USP7: variants seen among roughly 807,000 people sequenced by gnomAD.
USP7 encodes the protein ubiquitin specific peptidase 7, also known as ubiquitin C-terminal hydrolase 7.
USP7 carries 9 observed loss-of-function variants against 162.9 expected under a neutral mutation model. The ratio of observed to expected loss-of-function variants is 0.06; its 90% CI spans 0.03 to 0.10. USP7 has a LOEUF of 0.10. Among genes scored for constraint, USP7 ranks in the 10% least tolerant of loss-of-function variants. The pLI is 1.00. For missense variants in USP7, 715 were observed against 1,373.7 expected, an observed-to-expected ratio of 0.52 and a Z score of 7.58; for synonymous variants, 562 against 475.9, an observed-to-expected ratio of 1.18 and a Z score of -2.35.
chr16:8,932,601 T>A (rs908694523), intron 1 of USP7, among the ~76,000 whole-genome samples: 6 of 130,400 alleles, frequency 4.6e-5, no homozygotes, highest in African/African-American at 1.5e-4. Flanking sequence ...AAATCAAATA[T>A]ACATGCTAAA....
At chr16:8,916,421 G>A in intron 8 of USP7, 81 bp downstream of exon 8, 1 of 1,370,586 alleles carries the variant, frequency 7.3e-7, no homozygotes, top group East Asian at 2.5e-5. Context: ...AATTAGGTCT[G>A]AGGTTTTACT....
intron 15 of USP7, among the ~76,000 whole-genome samples, 187 bp from the exon 16 acceptor site, chr16:8,903,589 GAGGCTGTGGGC>G (rs2061811548): frequency 6.6e-6 from 1 of 152,090 alleles, no homozygotes; most frequent in Non-Finnish European, 1.5e-5. Context: ...TTTAGAAAAG[GAGGCTGTGGGC>G]AGGGCACGGT....
intron 1 of USP7, among the ~76,000 whole-genome samples, chr16:8,946,862 C>A (rs1258600487): frequency 6.6e-6 from 1 of 152,218 alleles, no homozygotes; most frequent in South Asian, 2.1e-4. Context: ...TTTAATATAA[C>A]TGTATAATAA....
chr16:8,921,371 A>T, intron 3 of USP7, 76 bp from the exon 4 acceptor site: 1 of 1,511,548 alleles, frequency 6.6e-7, no homozygotes, highest in Non-Finnish European at 9.0e-7. Flanking sequence ...CAGTAAACAT[A>T]GCACACCAAA....
At chr16:8,924,296 T>C (rs924259274) in intron 2 of USP7, among the ~76,000 whole-genome samples, 19 of 152,380 alleles carry the variant, frequency 1.2e-4, no homozygotes, top group Non-Finnish European at 2.4e-4. Flanking sequence ...CAATCTGTTA[T>C]TGACCAATAC....
chr16:8,932,383 T>C (rs191955616), intron 1 of USP7, among the ~76,000 whole-genome samples: 20 of 152,254 alleles, frequency 1.3e-4, no homozygotes, highest in Middle Eastern at 3.4e-3. Context: ...CAGGGAAACA[T>C]AGTGAGACCT....
intron 1 of USP7, chr16:8,936,522 C>A: frequency 6.9e-7 from 1 of 1,447,568 alleles, no homozygotes; most frequent in South Asian, 1.4e-5. Context: ...TGAGACATGT[C>A]AGTATTGGTT....
At chr16:8,911,853 G>A (rs763730572) in intron 10 of USP7, among the ~76,000 whole-genome samples, 2 of 152,214 alleles carry the variant, frequency 1.3e-5, no homozygotes, top group Admixed American at 6.5e-5. Context: ...CCAGCAAGAG[G>A]ATGAGGATTG....
intron 1 of USP7, chr16:8,956,328 C>T (rs1173507785): frequency 1.3e-5 from 2 of 152,186 alleles, no homozygotes; most frequent in South Asian, 2.1e-4. Flanking sequence ...GGCCACAGCG[C>T]TCGCTCCCAG....
At chr16:8,903,215 G>T in intron 16 of USP7, 53 bp downstream of exon 16, 1 of 1,583,394 alleles carries the variant, frequency 6.3e-7, no homozygotes. Flanking sequence ...GACACGGAAG[G>T]AAGGTGGACG....
intron 10 of USP7, 88 bp downstream of exon 10, chr16:8,915,166 T>TAAAAA: frequency 2.4e-6 from 3 of 1,260,742 alleles, no homozygotes; most frequent in Non-Finnish European, 3.3e-6. Flanking sequence ...TTTAGACTAT[T>TAAAAA]TAAAAAAACA....
chr16:8,941,635 T>C (rs1349351149), intron 1 of USP7, among the ~76,000 whole-genome samples: 2 of 152,214 alleles, frequency 1.3e-5, no homozygotes, highest in African/African-American at 4.8e-5. Context: ...TTCTAGTACC[T>C]TGTAGCCTTG....
intron 17 of USP7, 34 bp from the exon 18 acceptor site, chr16:8,902,221 T>C: frequency 6.2e-7 from 1 of 1,608,618 alleles, no homozygotes; most frequent in Non-Finnish European, 8.5e-7. Context: ...TTTAGAAGAG[T>C]CTAATGGCTT....
At chr16:8,921,423 G>C (rs150422552) in intron 3 of USP7, 128 bp from the exon 4 acceptor site, 25 of 1,119,830 alleles carry the variant, frequency 2.2e-5, no homozygotes, top group Middle Eastern at 4.6e-4. Context: ...TTCGGGTTGG[G>C]GTTAAAGGTA....
chr16:8,914,266 CTG>C (rs2061995423), intron 10 of USP7, among the ~76,000 whole-genome samples: 1 of 152,016 alleles, frequency 6.6e-6, no homozygotes, highest in Non-Finnish European at 1.5e-5. Flanking sequence ...CTTTCAAAGT[CTG>C]GCAACTGACA....
At chr16:8,939,438 A>G (rs894425705) in intron 1 of USP7, among the ~76,000 whole-genome samples, 1 of 152,238 alleles carries the variant, frequency 6.6e-6, no homozygotes, top group Non-Finnish European at 1.5e-5. Context: ...ACTTGCTGAC[A>G]TCTGGGTCCT....
Position 8,900,570 on chromosome 16 carries a change from G to C in USP7, c.2269C>G (p.Leu757Val). The change falls in exon 21 of 31, where the codon CTT becomes GTT. Residue 757 changes from leucine to valine, a missense_variant. By Grantham distance (32) the Leu-to-Val change is conservative. Coordinates refer to ENST00000344836, the MANE Select transcript of USP7 (RefSeq NM_003470.3). ...QDYDVSLDKA[L>V]DELMDGDIIV... ...ATGTCACCATCCATTAGTTCATCAAGGGCTTTATCAAGAGACACGTCATAG... is the reference window on the plus strand; with the variant it reads ...ATGTCACCATCCATTAGTTCATCAACGGCTTTATCAAGAGACACGTCATAG... 6.2e-7 allele frequency: 1 copy of C among 1,612,166 alleles called. No individual in the cohort carries two copies. Among genetic ancestry groups the C allele is most frequent in the Non-Finnish European group, 8.5e-7 (1 of 1,179,692 alleles).
rs2061805054 is a variant in USP7 at position 8,903,207 on chromosome 16, C to A, written c.1839+61G>T. On this transcript the variant is annotated intron_variant, in intron 16 of 30. Transcript: ENST00000344836. The stretch of plus-strand genomic sequence containing the variant: ...AAAGGCAATCAGTATTTTCTAGTGA[C>A]ACGGAAGGAAGGTGGACGTTGGGAG... 3 of 1,573,642 alleles carry A rather than the reference C, an allele frequency of 1.9e-6. No homozygotes were observed. In the South Asian group the frequency reaches 3.5e-5, roughly 18 times the overall value.
rs778073082 is a variant in USP7 at position 8,917,136 on chromosome 16, G to A, written c.741C>T (p.Thr247=). The part of the protein sequence containing the change: ...QLRKAVYMMP[T]EGDDSSKSVP... ...CGCTTTTAGACGAATCATCCCCCTC[G>A]GTTGGCATCATGTACACAGCCTGAA... Residue 247 remains threonine, a synonymous_variant, in exon 7 of 31, where the codon ACC becomes ACT. Transcript: ENST00000344836. The A allele has an allele frequency of 3.0e-5, 49 of 1,612,336 alleles. No individual in the cohort carries two copies. Among genetic ancestry groups the A allele is most frequent in the East Asian group, 1.1e-4 (5 of 44,852 alleles).
Sources: allele counts gnomAD v4.1 joint callset (sites outside exome capture counted in the v4.1 genomes callset), GRCh38; gene constraint gnomAD v4.1.1; transcripts MANE v1.5; gene names NCBI Gene and HGNC (gene_info 2026-07-23, HGNC 2026-07-21).